MTHFD1L: variants seen among roughly 807,000 people sequenced by gnomAD.
MTHFD1L encodes methylenetetrahydrofolate dehydrogenase (NADP+ dependent) 1 like.
In MTHFD1L, 81 loss-of-function variants were observed where a neutral mutation model predicts 119.5. That is an observed-to-expected ratio of 0.68 (90% CI 0.57 to 0.82). The LOEUF is 0.82. MTHFD1L is among the 40% of genes least tolerant of loss of function. The pLI is 0.00. For missense variants in MTHFD1L, 1,125 were observed against 1,253.4 expected, an observed-to-expected ratio of 0.90 and a Z score of 1.55; for synonymous variants, 430 against 475.2, an observed-to-expected ratio of 0.90 and a Z score of 1.24.
chr6:150,902,787 G>A (rs1286333903), intron 7 of MTHFD1L, among the ~76,000 whole-genome samples: 2 of 152,132 alleles, frequency 1.3e-5, no homozygotes, highest in Admixed American at 6.5e-5. Context: ...AAGACACCAC[G>A]TGTAGGAAAC....
chr6:151,091,102 CGACTGGGTACAGCATCGTTCTATGT>C lies in MTHFD1L; in HGVS notation c.2848-1356_2848-1332del, dbSNP rs1554301802. ...CGACTGGGTGCAGCATCGTTCCATG[CGACTGGGTACAGCATCGTTCTATGT>C]GACTGGGTGCAGCATCGCCCCATGT... On this transcript the variant is annotated intron_variant, in intron 26 of 27. Transcript: ENST00000367321. Among the ~76,000 whole-genome samples, 12 of 140,722 alleles carry C rather than the reference CGACTGGGTACAGCATCGTTCTATGT, an allele frequency of 8.5e-5. 1 individual carries two copies. Among genetic ancestry groups the C allele is most frequent in the African/African-American group, 3.4e-4 (12 of 35,206 alleles). The allele number at this position is 140,722 out of a possible 152,430, so 92.3% of individuals were successfully genotyped here. A position where few individuals can be genotyped will look rare whatever the true frequency, so the allele number is the denominator to read the frequency against.
chr6:150,951,311 C>T (rs1222008102), intron 16 of MTHFD1L, among the ~76,000 whole-genome samples: 1 of 152,060 alleles, frequency 6.6e-6, no homozygotes, highest in African/African-American at 2.4e-5. Flanking sequence ...GGATTACAGA[C>T]ATGAACCACT....
At chr6:151,041,746 G>A (rs1177687056) in intron 26 of MTHFD1L, 2 of 462,024 alleles carry the variant, frequency 4.3e-6, no homozygotes, top group African/African-American at 2.8e-5. Context: ...TATAACAAAG[G>A]CAGAAAGCCC....
chr6:150,884,858 A>C (rs1781969088), intron 5 of MTHFD1L, among the ~76,000 whole-genome samples: 2 of 152,080 alleles, frequency 1.3e-5, no homozygotes, highest in Admixed American at 1.3e-4. Flanking sequence ...ATAAATATCG[A>C]GGTCAAGTTG....
chr6:151,067,238 GC>G (rs1238074891), intron 26 of MTHFD1L, among the ~76,000 whole-genome samples: 11 of 151,402 alleles, frequency 7.3e-5, no homozygotes, highest in African/African-American at 2.7e-4. Flanking sequence ...ATGAGCCACC[GC>G]TCCCGGCCAT....
intron 1 of MTHFD1L, among the ~76,000 whole-genome samples, chr6:150,868,229 G>A (rs1242466387): frequency 6.6e-6 from 1 of 152,124 alleles, no homozygotes; most frequent in Non-Finnish European, 1.5e-5. Context: ...AGGAGTAACA[G>A]TACTTACCTC....
intron 26 of MTHFD1L, among the ~76,000 whole-genome samples, chr6:151,077,221 A>ACAC (rs1464861156): frequency 2.6e-5 from 4 of 152,356 alleles, no homozygotes; most frequent in African/African-American, 9.6e-5. Flanking sequence ...GTATAGACTC[A>ACAC]CACCAACACA....
intron 4 of MTHFD1L, among the ~76,000 whole-genome samples, chr6:150,880,380 A>C (rs187524607): frequency 6.6e-6 from 1 of 152,208 alleles, no homozygotes; most frequent in East Asian, 1.9e-4. Flanking sequence ...CACCTGGCTT[A>C]TTTCACTTCA....
intron 4 of MTHFD1L, among the ~76,000 whole-genome samples, chr6:150,882,406 A>C (rs903360613): frequency 2.6e-5 from 4 of 152,196 alleles, no homozygotes; most frequent in African/African-American, 9.7e-5. Context: ...GTTTGGCTTA[A>C]AGTATGCTTG....
chr6:151,066,506 C>T (rs1791287477), intron 26 of MTHFD1L, among the ~76,000 whole-genome samples: 1 of 150,254 alleles, frequency 6.7e-6, no homozygotes, highest in Non-Finnish European at 1.5e-5. Context: ...TGGCTCACAC[C>T]TGTAATCCCA....
At chr6:150,937,528 GC>G (rs1338382476) in intron 12 of MTHFD1L, among the ~76,000 whole-genome samples, 2 of 152,148 alleles carry the variant, frequency 1.3e-5, no homozygotes, top group Non-Finnish European at 2.9e-5. Flanking sequence ...TTTGTCCTTG[GC>G]ACTTCGTGAT....
chr6:151,042,402 G>C (rs1379808823), intron 26 of MTHFD1L, among the ~76,000 whole-genome samples: 2 of 152,096 alleles, frequency 1.3e-5, no homozygotes, highest in Non-Finnish European at 2.9e-5. Context: ...ACAAATCTTT[G>C]ATATGGGAAG....
chr6:151,010,136 T>G (rs1420508285), intron 21 of MTHFD1L, among the ~76,000 whole-genome samples, 178 bp downstream of exon 21: 1 of 152,206 alleles, frequency 6.6e-6, no homozygotes, highest in Non-Finnish European at 1.5e-5. Context: ...TTGTTTTGTG[T>G]TGTTTTTTGT....
intron 5 of MTHFD1L, 138 bp from the exon 6 acceptor site, chr6:150,885,496 C>T (rs1164140988): frequency 3.3e-6 from 2 of 613,546 alleles, no homozygotes; most frequent in Admixed American, 2.9e-5. Flanking sequence ...ATGCCTGGTC[C>T]TCTTTAATTC....
At chr6:150,949,640 A>G (rs1794565071) in intron 16 of MTHFD1L, among the ~76,000 whole-genome samples, 2 of 152,052 alleles carry the variant, frequency 1.3e-5, no homozygotes, top group Admixed American at 6.5e-5. Flanking sequence ...CCACTGCTTC[A>G]CATGCATCCA....
chr6:151,051,909 G>A lies in MTHFD1L; in HGVS notation c.2847+14792G>A, dbSNP rs76786978. 2.3e-3 allele frequency among the ~76,000 whole-genome samples: 348 copies of A among 152,370 alleles called. 1 individual carries two copies. The highest frequency in any genetic ancestry group is 7.4e-3 in the African/African-American group (307 of 41,594). On this transcript the variant is annotated intron_variant, in intron 26 of 27. Transcript: ENST00000367321. ...CCCTCCTGAGGGAGGCAGGGACTGA[G>A]GCGGGAGGCCTGGAGAGGTCTGTGC...
rs369764454 is a variant in MTHFD1L at position 151,033,902 on chromosome 6, G to A, written c.2587-591G>A. Among the ~76,000 whole-genome samples, 20 of 152,284 alleles carry A rather than the reference G, an allele frequency of 1.3e-4. No homozygotes were observed. The South Asian group carries it at 2.1e-3, about 16-fold the overall frequency. On this transcript the variant is annotated intron_variant, in intron 24 of 27. Coordinates refer to ENST00000367321, the MANE Select transcript of MTHFD1L (RefSeq NM_015440.5). ...GAAAATTATAGTAAACAGGCCAGGC[G>A]TGATGGCTCATGCCTGTAATCCCAG...
At chr6:150,877,731 C>T in intron 3 of MTHFD1L, 42 bp from the exon 4 acceptor site, 1 of 1,614,120 alleles carries the variant, frequency 6.2e-7, no homozygotes, top group African/African-American at 1.3e-5. Flanking sequence ...TTTAACAATA[C>T]ATTCTCTTAT....
intron 16 of MTHFD1L, among the ~76,000 whole-genome samples, chr6:150,951,962 T>G (rs554642032): frequency 6.6e-6 from 1 of 152,302 alleles, no homozygotes; most frequent in African/African-American, 2.4e-5. Context: ...GGTGTCTGCT[T>G]TGGGGTTCCA....
Sources: allele counts gnomAD v4.1 joint callset (sites outside exome capture counted in the v4.1 genomes callset), GRCh38; gene constraint gnomAD v4.1.1; transcripts MANE v1.5; gene names NCBI Gene and HGNC (gene_info 2026-07-23, HGNC 2026-07-21).